Variants in PDE11A observed in about 807,000 individuals in gnomAD.
The protein encoded by PDE11A is phosphodiesterase 11A.
A neutral mutation model predicts 100.5 loss-of-function variants in PDE11A; 100 were observed. The ratio of observed to expected loss-of-function variants is 1.00; its 90% confidence interval spans 0.85 to 1.18. PDE11A has a LOEUF of 1.18. Ranked by LOEUF, PDE11A falls within the 50% of genes most tolerant of loss-of-function variation. PDE11A has a pLI of 0.00. For missense variants in PDE11A, 1,141 were observed against 1,152.6 expected, an observed-to-expected ratio of 0.99 and a Z score of 0.15; for synonymous variants, 381 against 420.8, an observed-to-expected ratio of 0.91 and a Z score of 1.16.
At chr2:177,660,065 T>TTC (rs2080455425) in intron 19 of PDE11A, among the ~76,000 whole-genome samples, 1 of 4,406 alleles carries the variant, frequency 2.3e-4, no homozygotes, top group Non-Finnish European at 8.7e-4. Context: ...CTTTCTTTCT[T>TTC]TCTTTCTTTC....
In PDE11A at chr2:178,071,622, T is replaced by C. The variant is rs747042756; in HGVS notation, c.816A>G (p.Thr272=). ...GGACCTGCACCTCATTTGAGTTCTC[T>C]GTGCTGCTGCAAGGCAGCAGAGGTG... ...AGTPLLPCSS[T]ENSNEVQVPW... Residue 272 remains threonine (T), a synonymous_variant, in exon 1 of 20, where the codon ACA becomes ACG. Transcript: ENST00000286063. The C allele has an allele frequency of 1.9e-6, 3 of 1,613,524 alleles. No individual in the cohort carries two copies. Among genetic ancestry groups the C allele is most frequent in the Non-Finnish European group, 2.5e-6 (3 of 1,179,528 alleles).
intron 9 of PDE11A, among the ~76,000 whole-genome samples, chr2:177,770,215 T>C (rs76829124): frequency 0.011 from 1,651 of 152,248 alleles, 37 homozygotes; most frequent in African/African-American, 0.037. Flanking sequence ...CCCTTTTGAG[T>C]GTGTCTTCAA....
intron 2 of PDE11A, among the ~76,000 whole-genome samples, chr2:177,983,374 T>C (rs948578110): frequency 2.6e-4 from 39 of 152,172 alleles, no homozygotes; most frequent in African/African-American, 9.4e-4. Context: ...CAGTGATGGA[T>C]GAAGGCCACA....
intron 5 of PDE11A, among the ~76,000 whole-genome samples, chr2:177,845,933 T>C (rs1447965688): frequency 2.7e-5 from 4 of 147,652 alleles, no homozygotes; most frequent in Non-Finnish European, 6.0e-5. Flanking sequence ...GGCAGGAGAA[T>C]CAGACAGGGA....
At chr2:177,727,209 C>A (rs950037722) in intron 12 of PDE11A, among the ~76,000 whole-genome samples, 2 of 152,004 alleles carry the variant, frequency 1.3e-5, no homozygotes, top group African/African-American at 4.8e-5. Context: ...TCTCCTTGGC[C>A]TCCCTGGGCA....
rs142156996 is a variant in PDE11A at position 177,761,655 on chromosome 2, C to T, written c.1788+7668G>A. ...TTTGACTGAAGGACAGCAGGAATGA[C>T]TTCATGGAGAAAGGGGCAGTTGAGA... On this transcript the variant is annotated intron_variant, in intron 10 of 19. Transcript: ENST00000286063. Among the ~76,000 whole-genome samples, 275 of 152,262 alleles carry T rather than the reference C, an allele frequency of 1.8e-3. 1 individual carries two copies. The highest frequency in any genetic ancestry group is 6.4e-3 in the African/African-American group (266 of 41,554).
intron 1 of PDE11A, among the ~76,000 whole-genome samples, chr2:178,026,852 G>A (rs968741057): frequency 6.6e-6 from 1 of 151,810 alleles, no homozygotes; most frequent in Non-Finnish European, 1.5e-5. Flanking sequence ...ACATATTTGG[G>A]AAAAATAAGT....
At chr2:177,840,506 T>A in intron 5 of PDE11A, 123 bp from the exon 6 acceptor site, 1 of 835,914 alleles carries the variant, frequency 1.2e-6, no homozygotes, top group Non-Finnish European at 2.0e-6. Flanking sequence ...TAAGTGACAT[T>A]AGTCACAGAA....
chr2:178,016,789 T>G (rs1364741636), intron 1 of PDE11A, among the ~76,000 whole-genome samples: 3 of 152,054 alleles, frequency 2.0e-5, no homozygotes, highest in Non-Finnish European at 4.4e-5. Context: ...AAAAGCTTAA[T>G]AAGTTCCAAA....
chr2:177,952,397 T>C (rs2085515373), intron 2 of PDE11A, among the ~76,000 whole-genome samples: 1 of 152,204 alleles, frequency 6.6e-6, no homozygotes, highest in Admixed American at 6.5e-5. Context: ...CCCTGTCTTA[T>C]CTAAGTGGTA....
intron 1 of PDE11A, among the ~76,000 whole-genome samples, chr2:178,021,946 A>G (rs1283026593): frequency 3.9e-5 from 6 of 152,208 alleles, no homozygotes; most frequent in Non-Finnish European, 8.8e-5. Flanking sequence ...TAGGAAAGAC[A>G]GCTGGAGGCT....
At chr2:177,962,252 T>C (rs1255544209) in intron 2 of PDE11A, among the ~76,000 whole-genome samples, 1 of 152,100 alleles carries the variant, frequency 6.6e-6, no homozygotes, top group East Asian at 1.9e-4. Context: ...TCATATATTA[T>C]ACTTCACATT....
rs145000165 is a variant in PDE11A, at chr2:177,670,545, A to G, written c.2488-978T>C. ...GGATTTAAAAAAATATTGGAAGAGT[A>G]GAATAAATCCCAGACAACTTCATGG... On this transcript the variant is annotated intron_variant, in intron 17 of 19. Coordinates refer to ENST00000286063, the MANE Select transcript of PDE11A (RefSeq NM_016953.4). Among the ~76,000 whole-genome samples the G allele has an allele frequency of 9.5e-3, 1,447 of 152,340 alleles. 18 individuals carry two copies. The highest frequency in any genetic ancestry group is 0.041 in the Middle Eastern group (12 of 294).
At chr2:177,917,587 G>A (rs2084972529) in intron 2 of PDE11A, among the ~76,000 whole-genome samples, 1 of 152,174 alleles carries the variant, frequency 6.6e-6, no homozygotes, top group Non-Finnish European at 1.5e-5. Flanking sequence ...ATTTGCGTGA[G>A]CATTTTCATA....
chr2:177,980,978 ACACACACAC>A (rs2085873906), intron 2 of PDE11A, among the ~76,000 whole-genome samples: 1 of 6,572 alleles, frequency 1.5e-4, no homozygotes, highest in Non-Finnish European at 2.3e-4. Context: ...AACTAGATAC[ACACACACAC>A]ACACACACAC....
At chr2:177,632,110 C>T (rs1326306181) in intron 19 of PDE11A, among the ~76,000 whole-genome samples, 2 of 152,056 alleles carry the variant, frequency 1.3e-5, no homozygotes, top group Admixed American at 1.3e-4. Context: ...ACTAGCCTGC[C>T]ATATAGAATG....
chr2:177,690,307 CT>C (rs2081024033), intron 15 of PDE11A, among the ~76,000 whole-genome samples: 1 of 152,120 alleles, frequency 6.6e-6, no homozygotes, highest in South Asian at 2.1e-4. Context: ...AGAGTAATGG[CT>C]TAAGTTTTGT....
chr2:177,907,381 C>T (rs940044564), intron 2 of PDE11A, among the ~76,000 whole-genome samples: 1 of 152,102 alleles, frequency 6.6e-6, no homozygotes, highest in Admixed American at 6.6e-5. Context: ...GCACCTTATT[C>T]AAGAAAAAAT....
At position 177,876,365 on chromosome 2, in the gene PDE11A, T is replaced by C. The variant is rs78159681; in HGVS notation, c.1303-442A>G. ...GTTCATCTTTAAGCTTGGCTCATCA[T>C]TGTTCTCAGGTGAGCTTCGTGGTAC... On this transcript the variant is annotated intron_variant, in intron 4 of 19. Coordinates refer to ENST00000286063, the MANE Select transcript of PDE11A (RefSeq NM_016953.4). Among the ~76,000 whole-genome samples, 477 of 125,334 alleles carry C rather than the reference T, an allele frequency of 3.8e-3. 66 individuals carry two copies. The highest frequency in any genetic ancestry group is 0.016 in the African/African-American group (452 of 28,544). 82.2% of individuals were successfully genotyped at this position (125,334 alleles called of 152,430 possible).
Sources: gnomAD v4.1 joint callset for allele counts (sites outside exome capture counted in the v4.1 genomes callset) on GRCh38, gnomAD v4.1.1 for gene constraint, MANE v1.5 for transcripts, NCBI Gene and HGNC (gene_info 2026-07-23, HGNC 2026-07-21) for gene names.